The following MED27 variants were observed in gnomAD, a reference collection of about 807,000 sequenced individuals.
MED27 encodes mediator complex subunit 27.
Under a neutral mutation model 38.2 loss-of-function variants are expected in MED27, and 30 were observed. That is an observed-to-expected ratio of 0.79 (90% CI 0.59 to 1.07). The LOEUF (loss-of-function observed/expected upper bound fraction) is 1.07, where lower values mean the gene tolerates loss of function less well. MED27 is among the 50% of genes least tolerant of loss of function. The probability of loss-of-function intolerance (pLI) is 0.00; values close to 1 mark genes in which losing one functional copy is unlikely to be tolerated. For synonymous variants in MED27, 122 were observed against 153.5 expected (o/e 0.79, Z 1.52); for missense variants, 289 against 397.5 (o/e 0.73, Z 2.32).
At chr9:132,002,752 A>G (rs1000434895) in intron 3 of MED27, among the ~76,000 whole-genome samples, 3 of 151,970 alleles carry the variant, frequency 2.0e-5, no homozygotes, top group Non-Finnish European at 4.4e-5. Flanking sequence ...TCTCTACTAA[A>G]AATAACAAAA....
chr9:132,024,344 T>A (rs143008568), intron 2 of MED27, among the ~76,000 whole-genome samples: 37 of 152,322 alleles, frequency 2.4e-4, no homozygotes, highest in Non-Finnish European at 5.0e-4. Flanking sequence ...ATGGTTGTTG[T>A]TGGAATTTGG....
At chr9:131,896,032 G>A (rs1317270552) in intron 4 of MED27, among the ~76,000 whole-genome samples, 2 of 152,122 alleles carry the variant, frequency 1.3e-5, no homozygotes, top group Non-Finnish European at 2.9e-5. Context: ...CCGAGTAGCT[G>A]GGACTATAGG....
chr9:131,868,315 G>A (rs1018683115), intron 6 of MED27, among the ~76,000 whole-genome samples: 3 of 152,194 alleles, frequency 2.0e-5, no homozygotes, highest in African/African-American at 7.2e-5. Context: ...GTATTGCTCT[G>A]TCGCCTAGGC....
In MED27 at chr9:131,860,634, C is replaced by T. The variant is rs138398634; in HGVS notation, c.840G>A (p.Pro280=). 1.9e-4 allele frequency: 304 copies of T among 1,612,612 alleles called. No individual in the cohort carries two copies. Among genetic ancestry groups the T allele is most frequent in the Middle Eastern group, 8.3e-4 (5 of 6,044 alleles). The stretch of plus-strand genomic sequence containing the variant: ...GCAGAAACTTCCCGCAGCGCTGGCA[C>T]GGGGCCTGGAACAGCTTTATGTAAC... ...LRSYIKLFQA[P]CQRCGKFLQD... Residue 280 remains proline, a synonymous_variant, in exon 8 of 8, where the codon CCG becomes CCA. Coordinates refer to ENST00000292035, the MANE Select transcript of MED27 (RefSeq NM_004269.4). The surrounding 1 kb of genome is among the most constrained non-coding windows in gnomAD (Gnocchi z 5.8).
intron 4 of MED27, among the ~76,000 whole-genome samples, chr9:131,933,286 G>A (rs1310750278): frequency 6.6e-6 from 1 of 152,004 alleles, no homozygotes; most frequent in Non-Finnish European, 1.5e-5. Flanking sequence ...AAAAAATAGA[G>A]GGCATCCAAA....
intron 2 of MED27, among the ~76,000 whole-genome samples, chr9:132,036,918 G>C (rs1474813051): frequency 6.6e-6 from 1 of 152,128 alleles, no homozygotes; most frequent in Non-Finnish European, 1.5e-5. Context: ...GGACAGTCCA[G>C]GCCGAAGGAA....
intron 3 of MED27, among the ~76,000 whole-genome samples, chr9:131,951,950 A>G (rs915261865): frequency 5.9e-5 from 9 of 152,212 alleles, no homozygotes; most frequent in African/African-American, 2.2e-4. Flanking sequence ...AAGAAGGCCA[A>G]CGAGAGAGTG....
intron 3 of MED27, among the ~76,000 whole-genome samples, chr9:131,979,094 C>T (rs188663252): frequency 4.6e-5 from 7 of 152,340 alleles, no homozygotes; most frequent in Non-Finnish European, 8.8e-5. Flanking sequence ...AAGTGATGAA[C>T]CGCAGAGATG....
At chr9:131,965,037 T>C (rs756019939) in intron 3 of MED27, among the ~76,000 whole-genome samples, 2 of 152,240 alleles carry the variant, frequency 1.3e-5, no homozygotes, top group Non-Finnish European at 2.9e-5. Context: ...CATTTGCAGG[T>C]AGTTTCACTT....
chr9:131,968,683 C>T (rs970227172), intron 3 of MED27, among the ~76,000 whole-genome samples: 1 of 152,110 alleles, frequency 6.6e-6, no homozygotes, highest in Non-Finnish European at 1.5e-5. Flanking sequence ...CTAATGGAAA[C>T]ACTTGAAAAC....
chr9:131,892,127 G>A (rs1376824976), intron 5 of MED27, among the ~76,000 whole-genome samples: 1 of 152,006 alleles, frequency 6.6e-6, no homozygotes, highest in Admixed American at 6.6e-5. Flanking sequence ...GGATGAGAAT[G>A]GCCAAAGAGA....
chr9:131,867,020 T>C (rs1838748004), intron 6 of MED27, among the ~76,000 whole-genome samples: 1 of 152,222 alleles, frequency 6.6e-6, no homozygotes, highest in African/African-American at 2.4e-5. Context: ...CCGATGGGGC[T>C]TGTCTCCTTG....
chr9:131,942,252 C>T (rs1343946108), intron 3 of MED27, among the ~76,000 whole-genome samples: 1 of 152,118 alleles, frequency 6.6e-6, no homozygotes, highest in Non-Finnish European at 1.5e-5. Flanking sequence ...TGGATCTAAG[C>T]TTAAATGCTA....
intron 4 of MED27, among the ~76,000 whole-genome samples, chr9:131,932,069 C>A (rs1048643635): frequency 3.3e-5 from 5 of 152,030 alleles, no homozygotes; most frequent in African/African-American, 1.2e-4. Flanking sequence ...ACACAGATCA[C>A]TCTCAAGGAT....
intron 3 of MED27, among the ~76,000 whole-genome samples, chr9:131,951,832 C>T (rs528652571): frequency 2.0e-5 from 3 of 152,314 alleles, no homozygotes; most frequent in Non-Finnish European, 4.4e-5. Context: ...CATGAAAACA[C>T]CTCGAAGCAT....
rs183290683 is a variant in MED27 at position 132,025,048 on chromosome 9, C to G, written c.349-10581G>C. ...TGAGAAAAGGTAATGCAGGTGGAAGCCTGTGTGTCAGGATTTTCCCACATA... is the reference window on the plus strand; with the variant it reads ...TGAGAAAAGGTAATGCAGGTGGAAGGCTGTGTGTCAGGATTTTCCCACATA... On this transcript the variant is annotated intron_variant, in intron 2 of 7. Transcript: ENST00000292035. Among the ~76,000 whole-genome samples the G allele has an allele frequency of 1.7e-3, 263 of 152,050 alleles. 5 individuals carry two copies. Among genetic ancestry groups the G allele is most frequent in the Admixed American group, 0.013 (204 of 15,280 alleles).
rs1334551259 is a variant in MED27 at position 131,917,581 on chromosome 9, C to T, written c.573+21800G>A. Among the ~76,000 whole-genome samples, 1 of 151,894 alleles carries T rather than the reference C, an allele frequency of 6.6e-6. No homozygotes were observed. Among genetic ancestry groups the T allele is most frequent in the Non-Finnish European group, 1.5e-5 (1 of 67,996 alleles). On this transcript the variant is annotated intron_variant, in intron 4 of 7. Transcript: ENST00000292035. This position sits in a 1 kb window ranked among gnomAD's most constrained non-coding sequence, Gnocchi z 4.6. ...GGGGTGGGGGGCTAGTGTGCAGGGA[C>T]GAGGTAGGCTGATAGCACATCAGGA...
At chr9:132,068,562 A>G (rs1475078699) in intron 2 of MED27, among the ~76,000 whole-genome samples, 1 of 152,082 alleles carries the variant, frequency 6.6e-6, no homozygotes, top group Non-Finnish European at 1.5e-5. Flanking sequence ...CAAGATGGAG[A>G]GGGAAGAGCT....
At chr9:131,962,559 G>A (rs1296713365) in intron 3 of MED27, among the ~76,000 whole-genome samples, 1 of 149,618 alleles carries the variant, frequency 6.7e-6, no homozygotes. Flanking sequence ...TTTTTTTTGT[G>A]ATAGGAGTAT....
Sources: gnomAD v4.1 joint callset for allele counts (sites outside exome capture counted in the v4.1 genomes callset) on GRCh38, gnomAD v4.1.1 for gene constraint, Gnocchi (gnomAD v3.1) non-coding constraint, MANE v1.5 for transcripts, NCBI Gene and HGNC (gene_info 2026-07-23, HGNC 2026-07-21) for gene names.